The following GAPVD1 variants were observed in gnomAD, a reference collection of about 807,000 sequenced individuals.
The protein encoded by GAPVD1 is GTPase activating protein and VPS9 domains 1.
Under a neutral mutation model 155.5 loss-of-function variants are expected in GAPVD1, and 35 were observed. The ratio of observed to expected loss-of-function variants is 0.23; its 90% CI spans 0.17 to 0.30. The LOEUF (loss-of-function observed/expected upper bound fraction) is 0.30. Among genes scored for constraint, GAPVD1 ranks in the 10% least tolerant of loss-of-function variants. The probability of loss-of-function intolerance (pLI) is 1.00; values close to 1 mark genes in which losing one functional copy is unlikely to be tolerated. For synonymous variants in GAPVD1, 636 were observed against 619.7 expected (o/e 1.03, Z -0.39); for missense variants, 1,429 against 1,775.7 (o/e 0.80, Z 3.51).
At position 125,298,962 on chromosome 9, in the gene GAPVD1, A is replaced by T. The variant is rs1414096770; in HGVS notation, c.41A>T (p.Lys14Met). ...LDIHTLAHHL[K>M]QERLYVNSEK... ...ATTCATACTCTGGCTCATCACCTCA[A>T]GCAGGAACGCTTATATGTAAACTCT... The change falls in exon 4 of 28, where the codon AAG becomes ATG. Residue 14 changes from lysine (K) to methionine (M), a missense_variant. By Grantham distance (95) the Lys-to-Met change is moderately conservative. Transcript: ENST00000297933. 2 of 1,612,330 alleles carry T rather than the reference A, an allele frequency of 1.2e-6. No homozygotes were observed. The highest frequency in any genetic ancestry group is 1.7e-6 in the Non-Finnish European group (2 of 1,179,148).
At chr9:125,335,117 G>A (rs946358286) in intron 15 of GAPVD1, 1 of 701,866 alleles carries the variant, frequency 1.4e-6, no homozygotes, top group African/African-American at 1.8e-5. Context: ...ACAATTTTCT[G>A]AAAAGGCTAC....
At chr9:125,295,101 A>G (rs1839635731) in intron 2 of GAPVD1, among the ~76,000 whole-genome samples, 1 of 151,812 alleles carries the variant, frequency 6.6e-6, no homozygotes. Context: ...CACCTGTCAC[A>G]GGGTTGTAAG....
chr9:125,262,739 G>T (rs1381267085), intron 1 of GAPVD1, among the ~76,000 whole-genome samples: 1 of 152,152 alleles, frequency 6.6e-6, no homozygotes, highest in African/African-American at 2.4e-5. Flanking sequence ...TTCATTGATG[G>T]ATAGAATTAG....
intron 20 of GAPVD1, among the ~76,000 whole-genome samples, chr9:125,347,747 T>C (rs1848702841): frequency 6.6e-6 from 1 of 151,482 alleles, no homozygotes; most frequent in Non-Finnish European, 1.5e-5. Flanking sequence ...ACATAAATAG[T>C]ATACTGCATA....
intron 1 of GAPVD1, among the ~76,000 whole-genome samples, chr9:125,268,096 T>C (rs947245188): frequency 6.6e-5 from 10 of 151,136 alleles, no homozygotes; most frequent in Non-Finnish European, 1.3e-4. Context: ...CCCAGGAGGC[T>C]GGGGTTGTAG....
At chr9:125,279,585 A>T (rs969874351) in intron 2 of GAPVD1, among the ~76,000 whole-genome samples, 5 of 151,636 alleles carry the variant, frequency 3.3e-5, no homozygotes, top group Admixed American at 3.3e-4. Context: ...AAAAAAAAAA[A>T]AATTAAAAAT....
At chr9:125,285,236 A>G (rs1837456624) in intron 2 of GAPVD1, among the ~76,000 whole-genome samples, 1 of 152,184 alleles carries the variant, frequency 6.6e-6, no homozygotes, top group Non-Finnish European at 1.5e-5. Flanking sequence ...TTATTTATAC[A>G]AACAGGCAGC....
rs777495342 is a variant in GAPVD1, at chr9:125,302,667, C to T, written c.870C>T (p.Thr290=). Residue 290 remains threonine, a synonymous_variant, in exon 5 of 28, where the codon ACC becomes ACT. Transcript: ENST00000297933. ...LRWIVSQMYK[T]LSCVDRLEVG... is the part of the protein sequence containing the mutation. The stretch of plus-strand genomic sequence containing the variant: ...GGATCGTGTCTCAGATGTACAAAAC[C>T]CTCTCCTGTGTAGATAGGCTGGAAG... The T allele has an allele frequency of 4.3e-6, 7 of 1,613,838 alleles. No individual in the cohort carries two copies. The South Asian group carries it at 7.7e-5, about 18-fold the overall frequency.
Position 125,337,443 on chromosome 9 carries a change from G to A in GAPVD1, c.2729G>A (p.Arg910Gln), listed in dbSNP as rs138125420. The change falls in exon 17 of 28, where the codon CGG becomes CAG. Residue 910 changes from arginine (R) to glutamine (Q), a missense_variant. Arg to Gln is a conservative substitution (Grantham distance 43, BLOSUM62 1). This residue lies in a region of GAPVD1 where 699 missense variants were observed against 826.0 expected (regional missense o/e 0.85). Coordinates refer to ENST00000297933, the MANE Select transcript of GAPVD1 (RefSeq NM_001282680.3). ...SRSSDIVSSV[R>Q]RPMSDPSWNR... ...AGCTCTGATATAGTATCTTCTGTCC[G>A]GAGACCCATGAGTGACCCCAGCTGG... 155 of 1,614,124 alleles carry A rather than the reference G, an allele frequency of 9.6e-5. No individual in the cohort carries two copies. In the Middle Eastern group the frequency reaches 1.3e-3, roughly 14 times the overall value.
Position 125,337,035 on chromosome 9 carries a change from TCTC to T in GAPVD1, c.2452_2454del (p.Pro818del), listed in dbSNP as rs750485194. On this transcript the variant is annotated inframe_deletion, in exon 16 of 28. Coordinates refer to ENST00000297933, the MANE Select transcript of GAPVD1 (RefSeq NM_001282680.3). ...TGTTTTAGGTGCCCACCAGCTGACCTCTCCTCCTTCTCAGTCAGAGTCTCTGCT... is the reference window on the plus strand; with the variant it reads ...TGTTTTAGGTGCCCACCAGCTGACCTCTCCTTCTCAGTCAGAGTCTCTGCT... 8.7e-6 allele frequency: 14 copies of T among 1,611,536 alleles called. No individual in the cohort carries two copies. The highest frequency in any genetic ancestry group is 1.6e-4 in the Middle Eastern group (1 of 6,062).
rs1194727596 is a variant in GAPVD1, at chr9:125,354,763, G to A, written c.3679G>A (p.Ala1227Thr). The A allele has an allele frequency of 1.2e-6, 2 of 1,613,704 alleles. No homozygotes were observed. The highest frequency in any genetic ancestry group is 1.7e-6 in the Non-Finnish European group (2 of 1,179,590). The stretch of plus-strand genomic sequence containing the variant: ...AAGAGTTTTGCGGGACAAAGAAGTG[G>A]CCAATCGATACTTTACCACTGTCTG... ...LQRVLRDKEVANRYFTTVCVR... is the reference protein window; with the variant it reads ...LQRVLRDKEVTNRYFTTVCVR... The change falls in exon 24 of 28, where the codon GCC becomes ACC. Residue 1227 changes from alanine to threonine, a missense_variant. Physicochemically the swap from Ala to Thr is moderately conservative, Grantham distance 58. Transcript: ENST00000297933.
intron 15 of GAPVD1, among the ~76,000 whole-genome samples, chr9:125,333,375 C>T (rs771916465): frequency 9.9e-5 from 15 of 151,850 alleles, no homozygotes; most frequent in Non-Finnish European, 1.9e-4. Context: ...CCACCGCACC[C>T]GGCCAGTAAA....
At chr9:125,306,257 A>G (rs1841780614) in intron 6 of GAPVD1, among the ~76,000 whole-genome samples, 2 of 151,770 alleles carry the variant, frequency 1.3e-5, no homozygotes, top group Admixed American at 1.3e-4. Flanking sequence ...TCTGCCTCCC[A>G]GGTTCAAGCA....
chr9:125,268,714 C>T (rs1834398753), intron 1 of GAPVD1, among the ~76,000 whole-genome samples: 1 of 151,820 alleles, frequency 6.6e-6, no homozygotes, highest in Non-Finnish European at 1.5e-5. Flanking sequence ...GTTTTAAATA[C>T]AAGTTTTGTA....
At chr9:125,340,843 A>G (rs1847748319) in intron 17 of GAPVD1, among the ~76,000 whole-genome samples, 1 of 152,202 alleles carries the variant, frequency 6.6e-6, no homozygotes, top group Admixed American at 6.5e-5. Flanking sequence ...GGCAAACAAG[A>G]CTGACTTTCT....
chr9:125,317,902 C>T (rs1447096788), intron 9 of GAPVD1, among the ~76,000 whole-genome samples: 1 of 152,076 alleles, frequency 6.6e-6, no homozygotes, highest in African/African-American at 2.4e-5. Context: ...AGGGGTTCAA[C>T]AGCAGATTTG....
chr9:125,312,809 T>C (rs745917734), intron 9 of GAPVD1, among the ~76,000 whole-genome samples, 197 bp downstream of exon 9: 9 of 152,180 alleles, frequency 5.9e-5, no homozygotes, highest in Non-Finnish European at 1.3e-4. Context: ...TGATGTATTC[T>C]TGCTGTGTCT....
At chr9:125,355,590 ATTAT>A (rs1300805332) in intron 24 of GAPVD1, 50 bp from the exon 25 acceptor site, 1 of 1,079,292 alleles carries the variant, frequency 9.3e-7, no homozygotes, top group African/African-American at 1.6e-5. Flanking sequence ...CCTTTTTAAA[ATTAT>A]TTAGATAGTT....
At chr9:125,270,606 G>T (rs1329899635) in intron 2 of GAPVD1, among the ~76,000 whole-genome samples, 1 of 152,132 alleles carries the variant, frequency 6.6e-6, no homozygotes, top group African/African-American at 2.4e-5. Context: ...AGGAAGTGGT[G>T]AATATCTTGA....
Sources: allele counts gnomAD v4.1 joint callset (sites outside exome capture counted in the v4.1 genomes callset), GRCh38; gene constraint gnomAD v4.1.1; regional missense constraint gnomAD v4.1.1; transcripts MANE v1.5; gene names NCBI Gene and HGNC (gene_info 2026-07-23, HGNC 2026-07-21).